The following PEAK1 variants were observed in gnomAD, a reference collection of about 807,000 sequenced individuals.
PEAK1 encodes the protein pseudopodium enriched atypical kinase 1, also known as inactive tyrosine-protein kinase PEAK1.
A neutral mutation model predicts 124.7 loss-of-function variants in PEAK1; 54 were observed. The observed-to-expected ratio is 0.43, with a 90% CI of 0.35 to 0.54. The LOEUF (loss-of-function observed/expected upper bound fraction) is 0.54. Among genes scored for constraint, PEAK1 ranks in the 20% least tolerant of loss-of-function variants. The pLI is 0.01. For missense variants in PEAK1, 2,046 were observed against 2,134.5 expected, an observed-to-expected ratio of 0.96 and a Z score of 0.82; for synonymous variants, 719 against 760.0, an observed-to-expected ratio of 0.95 and a Z score of 0.89.
At chr15:77,350,317 T>G (rs1037291499) in intron 2 of PEAK1, 1 of 985,260 alleles carries the variant, frequency 1.0e-6, no homozygotes, top group Non-Finnish European at 1.2e-6. Context: ...AATCCAGCAC[T>G]CTTGAAATAG....
intron 6 of PEAK1, among the ~76,000 whole-genome samples, chr15:77,231,369 C>G (rs756301993): frequency 6.6e-6 from 1 of 152,142 alleles, no homozygotes; most frequent in African/African-American, 2.4e-5. Flanking sequence ...CTGGTTTAAC[C>G]TACTCTGTCC....
chr15:77,116,697 AATCAATCTATCTATCT>A (rs1244370081), intron 9 of PEAK1, among the ~76,000 whole-genome samples: 24 of 137,058 alleles, frequency 1.8e-4, no homozygotes, highest in African/African-American at 6.3e-4. Context: ...CATGGAAATC[AATCAATCTATCTATCT>A]ATCTATCTAT....
At chr15:77,351,916 C>T in intron 2 of PEAK1, 3 of 985,278 alleles carry the variant, frequency 3.0e-6, no homozygotes, top group Non-Finnish European at 3.6e-6. Flanking sequence ...GTCTGGTAGA[C>T]CTATTATAAG....
intron 2 of PEAK1, among the ~76,000 whole-genome samples, chr15:77,321,104 G>C (rs2153017774): frequency 1.3e-5 from 2 of 152,300 alleles, no homozygotes; most frequent in Middle Eastern, 6.8e-3. Context: ...ATTGTGAACA[G>C]TGCCACAATA....
chr15:77,364,097 G>A (rs1280599863), intron 2 of PEAK1, among the ~76,000 whole-genome samples: 1 of 152,166 alleles, frequency 6.6e-6, no homozygotes, highest in Non-Finnish European at 1.5e-5. Flanking sequence ...TACTGGGGAG[G>A]CTGAGGTAGG....
intron 1 of PEAK1, among the ~76,000 whole-genome samples, chr15:77,407,900 T>TATAC (rs1491259911): frequency 1.6e-5 from 2 of 126,020 alleles, no homozygotes; most frequent in Non-Finnish European, 3.6e-5. Flanking sequence ...TATATATATA[T>TATAC]ACACATATAT....
rs923929781 is a variant in PEAK1 at position 77,298,514 on chromosome 15, G to A, written c.-602-12010C>T. On this transcript the variant is annotated intron_variant, in intron 2 of 9. Transcript: ENST00000682557. Reference sequence around the variant, plus strand: ...ATTACAGGCGTGAGCCACCACGCCCGGCCGGTATCCTTAATTTCAACTTTG... The same window carrying A: ...ATTACAGGCGTGAGCCACCACGCCCAGCCGGTATCCTTAATTTCAACTTTG... Among the ~76,000 whole-genome samples the A allele has an allele frequency of 4.0e-5, 6 of 151,884 alleles. No individual in the cohort carries two copies. In the South Asian group the frequency reaches 8.3e-4, roughly 21 times the overall value.
intron 8 of PEAK1, among the ~76,000 whole-genome samples, chr15:77,136,882 C>G (rs1009863962): frequency 6.6e-6 from 1 of 152,196 alleles, no homozygotes; most frequent in African/African-American, 2.4e-5. Context: ...TCACGGCAGA[C>G]CCTCCCATCA....
intron 5 of PEAK1, chr15:77,255,417 T>C (rs2061080786): frequency 7.2e-6 from 7 of 972,788 alleles, no homozygotes; most frequent in Non-Finnish European, 7.3e-6. Flanking sequence ...CAAAAGTTCT[T>C]CTCTCCCTGC....
intron 6 of PEAK1, among the ~76,000 whole-genome samples, chr15:77,232,534 C>G: frequency 6.6e-6 from 1 of 152,212 alleles, no homozygotes; most frequent in Non-Finnish European, 1.5e-5. Flanking sequence ...CCTCATACTT[C>G]AGCGGAAAAA....
At chr15:77,391,385 C>A (rs1368515220) in intron 1 of PEAK1, among the ~76,000 whole-genome samples, 1 of 147,774 alleles carries the variant, frequency 6.8e-6, no homozygotes, top group Non-Finnish European at 1.5e-5. Flanking sequence ...CAAGAAGAAC[C>A]CTGCTCACAA....
intron 6 of PEAK1, among the ~76,000 whole-genome samples, chr15:77,238,423 G>A (rs1156649200): frequency 6.6e-6 from 1 of 151,836 alleles, no homozygotes; most frequent in East Asian, 1.9e-4. Flanking sequence ...TTTGATGAAT[G>A]CAGTGTCATC....
chr15:77,359,826 ATGAC>A (rs1471851276), intron 2 of PEAK1, among the ~76,000 whole-genome samples: 1 of 152,234 alleles, frequency 6.6e-6, no homozygotes, highest in Admixed American at 6.5e-5. Flanking sequence ...TACAGATTGG[ATGAC>A]TGACTGTAAA....
chr15:77,154,296 T>C (rs548695431), intron 8 of PEAK1, among the ~76,000 whole-genome samples: 1 of 152,346 alleles, frequency 6.6e-6, no homozygotes, highest in African/African-American at 2.4e-5. Context: ...CATCAGAGAC[T>C]AGGATTGCAA....
intron 1 of PEAK1, among the ~76,000 whole-genome samples, chr15:77,389,767 C>G (rs1043854261): frequency 6.6e-6 from 1 of 152,138 alleles, no homozygotes; most frequent in Admixed American, 6.5e-5. Flanking sequence ...AAAGCCAAAT[C>G]TCAAGGTTTA....
At chr15:77,402,058 GC>G (rs2071412410) in intron 1 of PEAK1, 1 of 757,200 alleles carries the variant, frequency 1.3e-6, no homozygotes, top group East Asian at 1.3e-4. Flanking sequence ...GATTAACTGG[GC>G]GTAGAGGCAT....
intron 2 of PEAK1, among the ~76,000 whole-genome samples, chr15:77,316,285 T>C (rs1237524464): frequency 6.6e-6 from 1 of 152,204 alleles, no homozygotes; most frequent in Non-Finnish European, 1.5e-5. Flanking sequence ...TAGAGACTTT[T>C]AAAACTTCTG....
At chr15:77,410,074 T>TG (rs1400838873) in intron 1 of PEAK1, among the ~76,000 whole-genome samples, 3 of 116,438 alleles carry the variant, frequency 2.6e-5, no homozygotes, top group Admixed American at 8.6e-5. Flanking sequence ...TGTGTGTGTG[T>TG]GTTTTTTTTT....
chr15:77,117,793 A>C (rs1415246345), intron 9 of PEAK1, among the ~76,000 whole-genome samples: 2 of 152,210 alleles, frequency 1.3e-5, no homozygotes, highest in African/African-American at 4.8e-5. Context: ...GCTGAAAAAA[A>C]AAACTGTGAC....
Sources: gnomAD v4.1 joint callset for allele counts (sites outside exome capture counted in the v4.1 genomes callset) on GRCh38, gnomAD v4.1.1 for gene constraint, MANE v1.5 for transcripts, NCBI Gene and HGNC (gene_info 2026-07-23, HGNC 2026-07-21) for gene names.